The following SEM1 variants were observed in gnomAD, a reference collection of about 807,000 sequenced individuals.
SEM1 encodes 26S proteasome complex subunit SEM1.
A neutral mutation model predicts 12.7 loss-of-function variants in SEM1; 3 were observed. That is an observed-to-expected ratio of 0.24 (90% CI 0.11 to 0.61). The LOEUF (loss-of-function observed/expected upper bound fraction) is 0.61, where lower values mean the gene tolerates loss of function less well. Among genes scored for constraint, SEM1 ranks in the 20% least tolerant of loss-of-function variants. The pLI is 0.88. For synonymous variants in SEM1, 30 were observed against 27.8 expected, an observed-to-expected ratio of 1.08 and a Z score of -0.25; for missense variants, 59 against 81.3, an observed-to-expected ratio of 0.73 and a Z score of 1.06.
Position 96,512,859 on chromosome 7 carries a change from A to C in SEM1, c.171-6161T>G, listed in dbSNP as rs558877824. On this transcript the variant is annotated intron_variant and NMD_transcript_variant, in intron 2 of 3. Transcript: ENST00000466986. ...GCTCACATTTTGATATTTACAAAAA[A>C]AGCATCAACAGAAACATAGAAGGGA... Among the ~76,000 whole-genome samples, 6 of 152,250 alleles carry C rather than the reference A, an allele frequency of 3.9e-5. No homozygotes were observed. The East Asian group carries it at 1.2e-3, about 30-fold the overall frequency.
At chr7:96,707,127 T>C (rs1031641061) in intron 1 of SEM1, among the ~76,000 whole-genome samples, 5 of 152,214 alleles carry the variant, frequency 3.3e-5, no homozygotes, top group Admixed American at 3.3e-4. Flanking sequence ...ACTGATTAAG[T>C]AGGTCTAGGT....
intron 2 of SEM1, among the ~76,000 whole-genome samples, chr7:96,602,948 G>A (rs897758262): frequency 6.6e-6 from 1 of 152,130 alleles, no homozygotes; most frequent in Non-Finnish European, 1.5e-5. Flanking sequence ...GAAACAATCA[G>A]GATAAAGTAC....
intron 2 of SEM1, among the ~76,000 whole-genome samples, chr7:96,577,083 C>T (rs1806230252): frequency 6.7e-6 from 1 of 150,308 alleles, no homozygotes; most frequent in Admixed American, 6.7e-5. Flanking sequence ...CACCACTGCA[C>T]TCCAACCTGG....
At chr7:96,599,232 A>G (rs562138413) in intron 2 of SEM1, among the ~76,000 whole-genome samples, 29 of 152,218 alleles carry the variant, frequency 1.9e-4, no homozygotes, top group Admixed American at 9.8e-4. Flanking sequence ...GCTAATGAAC[A>G]AGTATTTTTT....
upstream of SEM1, among the ~76,000 whole-genome samples, chr7:96,498,941 T>C (rs148652344): frequency 2.0e-3 from 309 of 152,304 alleles, 2 homozygotes; most frequent in African/African-American, 6.8e-3. Context: ...TAATAGGTTT[T>C]CTATAAAATC....
intron 2 of SEM1, among the ~76,000 whole-genome samples, chr7:96,582,509 C>T (rs1806447995): frequency 6.6e-6 from 1 of 151,524 alleles, no homozygotes; most frequent in Non-Finnish European, 1.5e-5. Flanking sequence ...GGAGGATTCC[C>T]TCTTTTTCTA....
chr7:96,564,192 T>C (rs1333518449), intron 2 of SEM1, among the ~76,000 whole-genome samples: 1 of 152,118 alleles, frequency 6.6e-6, no homozygotes, highest in Non-Finnish European at 1.5e-5. Flanking sequence ...GAGTCGATTT[T>C]GATGATTTAC....
intron 3 of SEM1, among the ~76,000 whole-genome samples, chr7:96,502,046 A>G (rs1803578589): frequency 6.6e-6 from 1 of 152,162 alleles, no homozygotes; most frequent in Middle Eastern, 3.2e-3. Flanking sequence ...TGTTGCTGCA[A>G]AGGACAAAAT....
At chr7:96,649,636 T>C (rs764646566) in intron 2 of SEM1, 3 of 152,196 alleles carry the variant, frequency 2.0e-5, no homozygotes, top group Non-Finnish European at 4.4e-5. Flanking sequence ...TATGTGTATG[T>C]AGACAGCAAC....
chr7:96,697,431 A>C (rs562030728), intron 1 of SEM1: 1 of 152,080 alleles, frequency 6.6e-6, no homozygotes. Flanking sequence ...AACTTAGAAA[A>C]TTCTTTTAAT....
At chr7:96,522,728 C>CCT (rs1554409867) in intron 2 of SEM1, among the ~76,000 whole-genome samples, 1 of 124,802 alleles carries the variant, frequency 8.0e-6, no homozygotes, top group African/African-American at 2.7e-5. Context: ...AAATACCCCC[C>CCT]CCCCAAAAAA....
chr7:96,592,814 G>T (rs565439411), intron 2 of SEM1, among the ~76,000 whole-genome samples: 63 of 151,868 alleles, frequency 4.1e-4, no homozygotes, highest in Non-Finnish European at 7.9e-4. Flanking sequence ...CAGTTTTGAG[G>T]CATCGATTAA....
intron 2 of SEM1, chr7:96,656,538 A>G (rs1175273389): frequency 6.6e-6 from 1 of 151,726 alleles, no homozygotes; most frequent in Non-Finnish European, 1.5e-5. Context: ...AGCAACTTCC[A>G]TGATAAGTTA....
intron 2 of SEM1, among the ~76,000 whole-genome samples, chr7:96,591,297 T>C (rs1806820942): frequency 6.6e-6 from 1 of 152,208 alleles, no homozygotes. Flanking sequence ...TTACCTACTC[T>C]TCATAATAAA....
intron 2 of SEM1, among the ~76,000 whole-genome samples, chr7:96,652,016 C>T (rs1809006200): frequency 6.6e-6 from 1 of 152,178 alleles, no homozygotes; most frequent in Admixed American, 6.5e-5. Flanking sequence ...CATTGTAATT[C>T]ATACCTCTTC....
At chr7:96,526,473 G>A (rs114370587) in intron 2 of SEM1, among the ~76,000 whole-genome samples, 4 of 152,040 alleles carry the variant, frequency 2.6e-5, no homozygotes, top group Non-Finnish European at 5.9e-5. Context: ...GTCAGGAAGT[G>A]CTCAATGAAG....
At chr7:96,669,796 T>C (rs915234382), downstream of SEM1, among the ~76,000 whole-genome samples, 9 of 152,236 alleles carry the variant, frequency 5.9e-5, no homozygotes, top group African/African-American at 2.2e-4. Flanking sequence ...TAAAACTCCA[T>C]TTTATTACTT....
chr7:96,601,962 G>A (rs1260378237), intron 2 of SEM1, among the ~76,000 whole-genome samples: 1 of 152,178 alleles, frequency 6.6e-6, no homozygotes, highest in Non-Finnish European at 1.5e-5. Flanking sequence ...TGACTGCAGA[G>A]TTTCTGGAAT....
chr7:96,585,915 A>T (rs1440796938), intron 2 of SEM1, among the ~76,000 whole-genome samples: 1 of 152,156 alleles, frequency 6.6e-6, no homozygotes, highest in East Asian at 1.9e-4. Flanking sequence ...GAAATGCAGA[A>T]ATCACCCGTC....
Sources: gnomAD v4.1 joint callset for allele counts (sites outside exome capture counted in the v4.1 genomes callset) on GRCh38, gnomAD v4.1.1 for gene constraint, MANE v1.5 for transcripts, NCBI Gene and HGNC (gene_info 2026-07-23, HGNC 2026-07-21) for gene names.